The following POLR1D variants were observed in gnomAD, a reference collection of about 807,000 sequenced individuals.
POLR1D encodes DNA-directed RNA polymerases I and III subunit RPAC2.
POLR1D carries 8 observed loss-of-function variants against 10.8 expected under a neutral mutation model. The observed-to-expected ratio is 0.74, with a 90% CI of 0.43 to 1.33. The LOEUF is 1.33. POLR1D is among the 40% of genes most tolerant of loss of function. POLR1D has a pLI of 0.01. For synonymous variants in POLR1D, 54 were observed against 57.2 expected, an observed-to-expected ratio of 0.94 and a Z score of 0.25; for missense variants, 152 against 161.7, an observed-to-expected ratio of 0.94 and a Z score of 0.32.
At chr13:27,626,740 T>C (rs993145009), downstream of POLR1D, among the ~76,000 whole-genome samples, 3 of 152,256 alleles carry the variant, frequency 2.0e-5, no homozygotes, top group African/African-American at 7.2e-5. Context: ...TTATTAAATA[T>C]ATACCAAAGG....
chr13:27,639,044 G>T (rs576444407), intron 1 of POLR1D, among the ~76,000 whole-genome samples: 1 of 151,876 alleles, frequency 6.6e-6, no homozygotes, highest in African/African-American at 2.4e-5. Context: ...CTGCTTTTTG[G>T]TCTTCTGCCA....
chr13:27,625,593 C>T (rs565404968), downstream of POLR1D, among the ~76,000 whole-genome samples: 7 of 150,814 alleles, frequency 4.6e-5, no homozygotes, highest in Non-Finnish European at 8.8e-5. Flanking sequence ...AGTTGGAGAT[C>T]GTGGAAGAGA....
rs637333 is a variant in POLR1D at position 27,642,128 on chromosome 13, C to A, written c.27-6251C>A. ...GAGGATGTTAACAGGTATATATATA[C>A]AATGAAGCAAAAGAATAATATTGGA... On this transcript the variant is annotated intron_variant, in intron 1 of 2. Transcript: ENST00000399697. Among the ~76,000 whole-genome samples the A allele has an allele frequency of 1.7e-3, 252 of 152,078 alleles. 1 individual carries two copies. The highest frequency in any genetic ancestry group is 5.8e-3 in the African/African-American group (242 of 41,460).
intron 1 of POLR1D, among the ~76,000 whole-genome samples, chr13:27,641,805 A>C (rs1461387659): frequency 6.6e-6 from 1 of 152,148 alleles, no homozygotes; most frequent in Non-Finnish European, 1.5e-5. Context: ...AAAGGTTGTG[A>C]GTGGAGAGTG....
At chr13:27,643,824 C>T (rs1353063467) in intron 1 of POLR1D, among the ~76,000 whole-genome samples, 1 of 152,216 alleles carries the variant, frequency 6.6e-6, no homozygotes, top group Non-Finnish European at 1.5e-5. Context: ...TCCCAGTCAA[C>T]AGCAGCAAAT....
downstream of POLR1D, among the ~76,000 whole-genome samples, chr13:27,626,061 G>A (rs1343944555): frequency 6.6e-6 from 1 of 152,188 alleles, no homozygotes; most frequent in African/African-American, 2.4e-5. Context: ...GTGACAGTAA[G>A]AAATTCTGGA....
intron 1 of POLR1D, among the ~76,000 whole-genome samples, chr13:27,631,649 C>A (rs1956074496): frequency 6.6e-6 from 1 of 152,144 alleles, no homozygotes; most frequent in African/African-American, 2.4e-5. Context: ...ATATATTTAT[C>A]TATTTATTGT....
chr13:27,651,410 G>C (rs1465448810), intron 2 of POLR1D: 1 of 152,028 alleles, frequency 6.6e-6, no homozygotes, highest in African/African-American at 2.4e-5. Flanking sequence ...ACAATTGAGG[G>C]TATTTGATGA....
chr13:27,627,702 G>A (rs1956028013), downstream of POLR1D, among the ~76,000 whole-genome samples: 1 of 149,474 alleles, frequency 6.7e-6, no homozygotes, highest in Non-Finnish European at 1.5e-5. Flanking sequence ...AAAGATTCTT[G>A]AGCTAGAACT....
intron 1 of POLR1D, among the ~76,000 whole-genome samples, chr13:27,633,729 T>C (rs370210354): frequency 1.8e-4 from 27 of 152,334 alleles, no homozygotes; most frequent in East Asian, 9.7e-4. Flanking sequence ...TAAATTTTCA[T>C]TGGAATTCAG....
chr13:27,664,723 C>A (rs1956398484), intron 2 of POLR1D: 1 of 152,166 alleles, frequency 6.6e-6, no homozygotes, highest in South Asian at 2.1e-4. Context: ...GTGTTGTTGG[C>A]TTGATTTTGA....
chr13:27,630,752 T>C (rs553729416), intron 1 of POLR1D, among the ~76,000 whole-genome samples: 7 of 152,368 alleles, frequency 4.6e-5, no homozygotes, highest in Non-Finnish European at 7.3e-5. Flanking sequence ...GCTATTGCTA[T>C]TGATATATAT....
At chr13:27,651,573 A>G (rs960745099) in intron 2 of POLR1D, 3 of 152,220 alleles carry the variant, frequency 2.0e-5, no homozygotes, top group Non-Finnish European at 2.9e-5. Flanking sequence ...GTATCTATCA[A>G]GTGTAATCAT....
downstream of POLR1D, among the ~76,000 whole-genome samples, chr13:27,627,825 A>C (rs1237771773): frequency 6.8e-6 from 1 of 147,816 alleles, no homozygotes; most frequent in African/African-American, 2.5e-5. Context: ...CATTTGTAAT[A>C]GTCCAGGTAT....
At chr13:27,662,175 C>T (rs951877076) in intron 2 of POLR1D, among the ~76,000 whole-genome samples, 3 of 151,972 alleles carry the variant, frequency 2.0e-5, no homozygotes, top group South Asian at 2.1e-4. Flanking sequence ...CTTGAGTTGC[C>T]ATCTTGCAAA....
At chr13:27,646,927 ATGT>A (rs1191663757) in intron 1 of POLR1D, among the ~76,000 whole-genome samples, 1 of 152,188 alleles carries the variant, frequency 6.6e-6, no homozygotes, top group African/African-American at 2.4e-5. Flanking sequence ...TGTAAACAGA[ATGT>A]TAATATCATT....
Position 27,623,441 on chromosome 13 carries a change from T to A in POLR1D, c.*191T>A, listed in dbSNP as rs558455796. 5 of 1,277,598 alleles carry A rather than the reference T, an allele frequency of 3.9e-6. No individual in the cohort carries two copies. In the African/African-American group the frequency reaches 7.5e-5, roughly 19 times the overall value. The allele number at this position is 1,277,598 out of a possible 1,614,324, so 79.1% of individuals were successfully genotyped here. A position where few individuals can be genotyped will look rare whatever the true frequency, so the allele number is the denominator to read the frequency against. ...GTATTCTTCTAATAAATTCCCTCTT[T>A]TATTTAAACTAGTTTGACTGGTTTC... On this transcript the variant is annotated 3_prime_UTR_variant, in exon 2 of 2. Coordinates refer to ENST00000302979, the MANE Select transcript of POLR1D (RefSeq NM_015972.4).
Position 27,623,314 on chromosome 13 carries a change from C to T in POLR1D, c.*64C>T. 6.2e-7 allele frequency: 1 copy of T among 1,606,788 alleles called. No homozygotes were observed. The highest frequency in any genetic ancestry group is 8.5e-7 in the Non-Finnish European group (1 of 1,177,500). The stretch of plus-strand genomic sequence containing the variant: ...TATTCTCTTCCTGATGGTGCAGAAC[C>T]CAGAATTAGAAGTTTGTGGTTACAG... On this transcript the variant is annotated 3_prime_UTR_variant, in exon 2 of 2. Transcript: ENST00000302979.
At chr13:27,622,416 C>T in intron 1 of POLR1D, 1 of 303,746 alleles carries the variant, frequency 3.3e-6, no homozygotes, top group Non-Finnish European at 6.2e-6. Context: ...ACTCCTGAAC[C>T]TTCCATTCTC....
Sources: allele counts gnomAD v4.1 joint callset (sites outside exome capture counted in the v4.1 genomes callset), GRCh38; gene constraint gnomAD v4.1.1; transcripts MANE v1.5; gene names NCBI Gene and HGNC (gene_info 2026-07-23, HGNC 2026-07-21).